Variants in HMBOX1 observed in about 807,000 individuals in gnomAD.
The protein encoded by HMBOX1 is homeobox-containing protein 1.
A neutral mutation model predicts 54.5 loss-of-function variants in HMBOX1; 14 were observed. That is an observed-to-expected ratio of 0.26 (90% CI 0.17 to 0.40). HMBOX1 has a LOEUF of 0.40. HMBOX1 is among the 10% of genes least tolerant of loss of function. The pLI is 1.00. For synonymous variants in HMBOX1, 160 were observed against 181.0 expected, an observed-to-expected ratio of 0.88 and a Z score of 0.93; for missense variants, 332 against 514.4, an observed-to-expected ratio of 0.65 and a Z score of 3.43.
intron 9 of HMBOX1, chr8:29,049,495 G>T (rs1806118222): frequency 7.6e-6 from 11 of 1,446,412 alleles, no homozygotes; most frequent in Non-Finnish European, 1.0e-5. Flanking sequence ...ACGATGGAAG[G>T]CCCCACTCAC....
At chr8:28,913,855 CTTTTTTTTTTT>C (rs1304959910) in intron 1 of HMBOX1, among the ~76,000 whole-genome samples, 2 of 101,342 alleles carry the variant, frequency 2.0e-5, no homozygotes, top group Non-Finnish European at 2.0e-5. Context: ...TCAAGTGATT[CTTTTTTTTTTT>C]TTTTTTTTTT....
intron 7 of HMBOX1, 131 bp downstream of exon 7, chr8:29,045,574 G>C (rs1359436631): frequency 7.2e-6 from 5 of 697,444 alleles, no homozygotes; most frequent in Non-Finnish European, 1.3e-5. Context: ...TCCTTCCGCA[G>C]GTGGCCAGTG....
At chr8:28,903,489 CT>C (rs1377638377) in intron 1 of HMBOX1, among the ~76,000 whole-genome samples, 2 of 152,136 alleles carry the variant, frequency 1.3e-5, no homozygotes, top group African/African-American at 4.8e-5. Flanking sequence ...CTTGCATCTC[CT>C]TTTTTTTCTC....
At chr8:29,039,770 C>T (rs1399370436) in intron 6 of HMBOX1, among the ~76,000 whole-genome samples, 1 of 152,110 alleles carries the variant, frequency 6.6e-6, no homozygotes, top group Non-Finnish European at 1.5e-5. Flanking sequence ...TTTTAGTTTA[C>T]ATTAAATTCA....
chr8:28,933,771 A>G (rs866392005), intron 1 of HMBOX1, among the ~76,000 whole-genome samples: 2 of 152,256 alleles, frequency 1.3e-5, no homozygotes, highest in African/African-American at 4.8e-5. Context: ...GAAAACCCCT[A>G]TTAAAGTCTA....
At chr8:28,901,429 T>C (rs1200129513) in intron 1 of HMBOX1, among the ~76,000 whole-genome samples, 1 of 152,202 alleles carries the variant, frequency 6.6e-6, no homozygotes, top group Non-Finnish European at 1.5e-5. Context: ...TTAGTACTTT[T>C]CTTTTTGTAC....
intron 5 of HMBOX1, among the ~76,000 whole-genome samples, chr8:29,011,752 A>T (rs770289932): frequency 6.6e-6 from 1 of 151,274 alleles, no homozygotes. Flanking sequence ...TTTAGCTTTT[A>T]GTCTTAATTT....
At chr8:28,932,832 C>G (rs1325055629) in intron 1 of HMBOX1, among the ~76,000 whole-genome samples, 2 of 152,182 alleles carry the variant, frequency 1.3e-5, no homozygotes, top group East Asian at 1.9e-4. Context: ...AACTACATGT[C>G]TAACTGTTGC....
chr8:29,043,330 A>G (rs924465034), intron 6 of HMBOX1, among the ~76,000 whole-genome samples: 1 of 152,236 alleles, frequency 6.6e-6, no homozygotes, highest in Admixed American at 6.5e-5. Flanking sequence ...CCTCCTGTGC[A>G]TTCTCTAGAC....
At chr8:28,928,138 A>C (rs1390940707) in intron 1 of HMBOX1, among the ~76,000 whole-genome samples, 2 of 152,084 alleles carry the variant, frequency 1.3e-5, no homozygotes, top group Non-Finnish European at 2.9e-5. Context: ...CGTCTCAAAA[A>C]AAAAAAAGAA....
intron 4 of HMBOX1, among the ~76,000 whole-genome samples, chr8:29,007,424 A>G (rs1394300540): frequency 6.6e-6 from 1 of 152,242 alleles, no homozygotes; most frequent in Non-Finnish European, 1.5e-5. Flanking sequence ...TGCCTACATT[A>G]CATGAATCTT....
chr8:29,032,461 C>A (rs577809705), intron 6 of HMBOX1, among the ~76,000 whole-genome samples: 3 of 151,756 alleles, frequency 2.0e-5, no homozygotes, highest in African/African-American at 7.2e-5. Flanking sequence ...AAAAAAAAAT[C>A]TTTTGATCAA....
At chr8:29,008,132 T>G (rs543446124) in intron 4 of HMBOX1, among the ~76,000 whole-genome samples, 5 of 152,190 alleles carry the variant, frequency 3.3e-5, no homozygotes, top group African/African-American at 1.2e-4. Flanking sequence ...ATAGGTAACC[T>G]TCTCTGGTAG....
intron 5 of HMBOX1, among the ~76,000 whole-genome samples, chr8:29,016,757 GC>G (rs1835077259): frequency 6.6e-6 from 1 of 152,340 alleles, no homozygotes; most frequent in Non-Finnish European, 1.5e-5. Flanking sequence ...CACAACATGG[GC>G]CTCACCATCC....
intron 6 of HMBOX1, among the ~76,000 whole-genome samples, chr8:29,026,524 TATATC>T (rs1395291973): frequency 1.3e-5 from 2 of 152,184 alleles, no homozygotes; most frequent in East Asian, 3.8e-4. Flanking sequence ...ATATATGAAT[TATATC>T]AAGCTGCTTT....
intron 4 of HMBOX1, among the ~76,000 whole-genome samples, chr8:28,982,112 A>G (rs1271351121): frequency 6.6e-6 from 1 of 152,158 alleles, no homozygotes; most frequent in East Asian, 1.9e-4. Context: ...GGGCGCCTGT[A>G]GTCCCAGCTA....
chr8:28,991,180 ACTGAAGT>A (rs1326110584), intron 4 of HMBOX1, among the ~76,000 whole-genome samples: 10 of 152,304 alleles, frequency 6.6e-5, no homozygotes, highest in Non-Finnish European at 1.2e-4. Flanking sequence ...TGTGCCCTGT[ACTGAAGT>A]CAGCAGAATA....
intron 3 of HMBOX1, among the ~76,000 whole-genome samples, chr8:28,977,241 GA>G (rs1396394975): frequency 2.0e-5 from 3 of 152,028 alleles, no homozygotes; most frequent in Admixed American, 2.0e-4. Context: ...AAAATAAATG[GA>G]TTTAAATGAC....
intron 8 of HMBOX1, among the ~76,000 whole-genome samples, chr8:29,047,781 G>A (rs1474950164): frequency 6.6e-6 from 1 of 151,882 alleles, no homozygotes; most frequent in African/African-American, 2.4e-5. Flanking sequence ...TGGTCAGGCT[G>A]GTCTCGAACT....
Sources: allele counts gnomAD v4.1 joint callset (sites outside exome capture counted in the v4.1 genomes callset), GRCh38; gene constraint gnomAD v4.1.1; transcripts MANE v1.5; gene names NCBI Gene and HGNC (gene_info 2026-07-23, HGNC 2026-07-21).